Variants in GRM7 observed in about 807,000 individuals in gnomAD.
GRM7 encodes the protein metabotropic glutamate receptor 7.
Under a neutral mutation model 84.5 loss-of-function variants are expected in GRM7, and 35 were observed. The ratio of observed to expected loss-of-function variants is 0.41; its 90% CI spans 0.32 to 0.55. The LOEUF is 0.55. Ranked by LOEUF, GRM7 falls within the 20% of genes least tolerant of loss-of-function variation. The pLI is 0.19. For missense variants in GRM7, 1,003 were observed against 1,194.6 expected (o/e 0.84, Z 2.36); for synonymous variants, 487 against 455.1 (o/e 1.07, Z -0.89).
At chr3:7,715,352 A>T (rs952751667) in intron 9 of GRM7, among the ~76,000 whole-genome samples, 3 of 152,194 alleles carry the variant, frequency 2.0e-5, no homozygotes, top group African/African-American at 7.2e-5. Flanking sequence ...ATGTGCCTGT[A>T]GTCCCAACTA....
intron 2 of GRM7, among the ~76,000 whole-genome samples, chr3:7,258,052 A>G (rs1394483418): frequency 1.3e-5 from 2 of 151,096 alleles, no homozygotes; most frequent in African/African-American, 4.9e-5. Flanking sequence ...TTTGCATCAT[A>G]TTTTTTTTTG....
At chr3:7,628,743 G>A (rs984377825) in intron 8 of GRM7, among the ~76,000 whole-genome samples, 2 of 152,124 alleles carry the variant, frequency 1.3e-5, no homozygotes, top group Non-Finnish European at 2.9e-5. Context: ...TGCAGTGGAA[G>A]GATAAGAAGT....
At chr3:7,079,576 A>G (rs1388653528) in intron 1 of GRM7, among the ~76,000 whole-genome samples, 1 of 152,174 alleles carries the variant, frequency 6.6e-6, no homozygotes, top group East Asian at 1.9e-4. Flanking sequence ...GAGATGGGTA[A>G]CTAAACACCA....
At chr3:7,630,364 C>T (rs1026428446) in intron 8 of GRM7, among the ~76,000 whole-genome samples, 1 of 152,170 alleles carries the variant, frequency 6.6e-6, no homozygotes, top group African/African-American at 2.4e-5. Flanking sequence ...ACAGTATTTT[C>T]AACACCTGGC....
At chr3:7,393,273 C>T (rs946588780) in intron 4 of GRM7, among the ~76,000 whole-genome samples, 1 of 152,208 alleles carries the variant, frequency 6.6e-6, no homozygotes, top group East Asian at 1.9e-4. Flanking sequence ...TGAGGCTACT[C>T]CAGGCTCAAG....
chr3:7,340,894 A>C (rs1019502857), intron 4 of GRM7, among the ~76,000 whole-genome samples: 6 of 152,130 alleles, frequency 3.9e-5, no homozygotes, highest in Admixed American at 3.3e-4. Flanking sequence ...ACGTGTCTGC[A>C]TCAAGTCTAG....
At chr3:7,045,535 C>T (rs559812248) in intron 1 of GRM7, among the ~76,000 whole-genome samples, 2 of 152,164 alleles carry the variant, frequency 1.3e-5, no homozygotes, top group Non-Finnish European at 2.9e-5. Flanking sequence ...CTAATATCTC[C>T]CAATTTCCTT....
At chr3:7,368,583 G>A (rs1252581236) in intron 4 of GRM7, among the ~76,000 whole-genome samples, 3 of 151,972 alleles carry the variant, frequency 2.0e-5, no homozygotes, top group African/African-American at 7.3e-5. Context: ...TTTGTTTTAT[G>A]GTATTCCTTA....
chr3:7,069,008 A>G (rs1697768035), intron 1 of GRM7, among the ~76,000 whole-genome samples: 1 of 151,580 alleles, frequency 6.6e-6, no homozygotes, highest in Admixed American at 6.6e-5. Context: ...AGTGGGTAAT[A>G]TCAGCCTAAG....
chr3:7,117,492 C>T (rs946772947), intron 1 of GRM7, among the ~76,000 whole-genome samples: 2 of 152,100 alleles, frequency 1.3e-5, no homozygotes, highest in African/African-American at 4.8e-5. Context: ...GAACGTGCTC[C>T]AGTTGGAAGG....
At chr3:7,302,601 A>G (rs984581524) in intron 3 of GRM7, among the ~76,000 whole-genome samples, 2 of 152,158 alleles carry the variant, frequency 1.3e-5, no homozygotes, top group Admixed American at 1.3e-4. Flanking sequence ...GCTTTTAACT[A>G]TGCATATATA....
chr3:6,958,915 A>G (rs878899866), intron 1 of GRM7, among the ~76,000 whole-genome samples: 2 of 152,356 alleles, frequency 1.3e-5, no homozygotes, highest in East Asian at 1.9e-4. Flanking sequence ...CATATACCAC[A>G]GCAAAAAAAG....
chr3:7,053,365 A>G (rs1264041051), intron 1 of GRM7, among the ~76,000 whole-genome samples: 2 of 151,406 alleles, frequency 1.3e-5, no homozygotes, highest in African/African-American at 4.8e-5. Context: ...TTTTTCAATG[A>G]TGTATGAAAA....
intron 1 of GRM7, among the ~76,000 whole-genome samples, chr3:7,098,651 G>T (rs1180208708): frequency 2.0e-5 from 3 of 151,834 alleles, no homozygotes; most frequent in South Asian, 2.1e-4. Flanking sequence ...TCTTCAGTAG[G>T]ACTATAATTA....
chr3:6,962,909 C>G (rs1219162938), intron 1 of GRM7, among the ~76,000 whole-genome samples: 2 of 152,166 alleles, frequency 1.3e-5, no homozygotes, highest in African/African-American at 4.8e-5. Flanking sequence ...AAGTTTTAAG[C>G]TGTTTACTTG....
chr3:7,471,271 CT>C lies in GRM7; in HGVS notation c.1515+9552del, dbSNP rs201117524. On this transcript the variant is annotated intron_variant, in intron 7 of 9. Transcript: ENST00000357716. ...GGTACAAGTTTATTATCTCACAGTT[CT>C]TTAGGTTAGAAGTCCAACATAGGTC... Among the ~76,000 whole-genome samples the C allele has an allele frequency of 6.4e-3, 968 of 151,934 alleles. 9 individuals carry two copies. The highest frequency in any genetic ancestry group is 0.022 in the African/African-American group (930 of 41,458).
At chr3:7,325,874 C>G (rs562466761) in intron 4 of GRM7, among the ~76,000 whole-genome samples, 2 of 151,998 alleles carry the variant, frequency 1.3e-5, no homozygotes, top group Non-Finnish European at 2.9e-5. Flanking sequence ...GTTTTTTTGT[C>G]TCTCTCTCGA....
At chr3:7,155,316 G>A (rs1182917544) in intron 2 of GRM7, among the ~76,000 whole-genome samples, 2 of 151,964 alleles carry the variant, frequency 1.3e-5, no homozygotes. Flanking sequence ...CCAAAAGTTG[G>A]GTAGTCACAG....
At chr3:7,417,332 C>T (rs950521862) in intron 5 of GRM7, among the ~76,000 whole-genome samples, 3 of 152,110 alleles carry the variant, frequency 2.0e-5, no homozygotes, top group African/African-American at 7.2e-5. Context: ...TACCGTATCT[C>T]TTACTCTTCC....
Sources: allele counts gnomAD v4.1 joint callset (sites outside exome capture counted in the v4.1 genomes callset), GRCh38; gene constraint gnomAD v4.1.1; transcripts MANE v1.5; gene names NCBI Gene and HGNC (gene_info 2026-07-23, HGNC 2026-07-21).